TAFA1: variants seen among roughly 807,000 people sequenced by gnomAD.
TAFA1 encodes TAFA chemokine like family member 1.
In TAFA1, 4 loss-of-function variants were observed where a neutral mutation model predicts 18.5. That is an observed-to-expected ratio of 0.22 (90% CI 0.11 to 0.49). The LOEUF (loss-of-function observed/expected upper bound fraction) is 0.49. Among genes scored for constraint, TAFA1 ranks in the 20% least tolerant of loss-of-function variants. TAFA1 has a pLI of 0.98. For synonymous variants in TAFA1, 56 were observed against 55.2 expected, an observed-to-expected ratio of 1.01 and a Z score of -0.06; for missense variants, 147 against 169.0, an observed-to-expected ratio of 0.87 and a Z score of 0.72.
At chr3:68,413,999 G>GGA (rs886474688) in intron 2 of TAFA1, among the ~76,000 whole-genome samples, 1 of 152,020 alleles carries the variant, frequency 6.6e-6, no homozygotes, top group East Asian at 1.9e-4. Flanking sequence ...GGAAAGTCAA[G>GGA]GAGAGAGAGA....
intron 2 of TAFA1, among the ~76,000 whole-genome samples, chr3:68,386,615 C>T (rs1384123874): frequency 1.3e-5 from 2 of 152,112 alleles, no homozygotes; most frequent in Admixed American, 1.3e-4. Flanking sequence ...ACTATCCTTC[C>T]CTTCCCTGGA....
At chr3:67,998,857 CTTT>C in the TAFA1 span, among the ~76,000 whole-genome samples, 4 of 152,158 alleles carry the variant, frequency 2.6e-5, no homozygotes, top group Non-Finnish European at 4.4e-5. Flanking sequence ...CATACATCTT[CTTT>C]ATTATTTACT....
intron 2 of TAFA1, among the ~76,000 whole-genome samples, chr3:68,044,442 C>T (rs1263247761): frequency 6.6e-6 from 1 of 152,100 alleles, no homozygotes; most frequent in African/African-American, 2.4e-5. Flanking sequence ...AAAATCTGAA[C>T]TTTCTGCAGT....
At chr3:68,415,343 G>T (rs930270464) in intron 2 of TAFA1, among the ~76,000 whole-genome samples, 7 of 152,230 alleles carry the variant, frequency 4.6e-5, no homozygotes, top group Middle Eastern at 3.4e-3. Context: ...AGTTTGGCTG[G>T]GGCACAGACA....
At chr3:68,095,393 G>T (rs1446010932) in intron 2 of TAFA1, among the ~76,000 whole-genome samples, 3 of 152,106 alleles carry the variant, frequency 2.0e-5, no homozygotes, top group Admixed American at 2.0e-4. Context: ...TGCTATTCAA[G>T]CCTGTAGGCA....
intron 2 of TAFA1, among the ~76,000 whole-genome samples, chr3:68,277,048 C>T (rs1195875763): frequency 6.6e-6 from 1 of 152,066 alleles, no homozygotes; most frequent in African/African-American, 2.4e-5. Context: ...ATTTATTCCT[C>T]CATGAAATTA....
At chr3:68,389,702 C>T (rs929178008) in intron 2 of TAFA1, among the ~76,000 whole-genome samples, 18 of 152,126 alleles carry the variant, frequency 1.2e-4, no homozygotes, top group Non-Finnish European at 7.4e-5. Context: ...TGGGCGCAAC[C>T]CACAGAGGGT....
At chr3:68,435,797 C>G (rs1344916836) in intron 3 of TAFA1, among the ~76,000 whole-genome samples, 1 of 152,120 alleles carries the variant, frequency 6.6e-6, no homozygotes, top group Non-Finnish European at 1.5e-5. Flanking sequence ...TCTACTTATG[C>G]AGAAAAAGTA....
intron 2 of TAFA1, among the ~76,000 whole-genome samples, chr3:68,347,577 C>T (rs1387074903): frequency 6.6e-6 from 1 of 152,146 alleles, no homozygotes; most frequent in East Asian, 1.9e-4. Flanking sequence ...TCTGTCATTG[C>T]AACATGAAAG....
chr3:68,123,282 T>G (rs1380667826), intron 2 of TAFA1, among the ~76,000 whole-genome samples: 2 of 152,110 alleles, frequency 1.3e-5, no homozygotes, highest in African/African-American at 4.8e-5. Flanking sequence ...GCCTTCGGAA[T>G]AGCATCTAAG....
At chr3:68,300,008 G>A (rs1260681228) in intron 2 of TAFA1, among the ~76,000 whole-genome samples, 1 of 152,248 alleles carries the variant, frequency 6.6e-6, no homozygotes, top group African/African-American at 2.4e-5. Flanking sequence ...GTGTGGAAGG[G>A]AAATGTGGGG....
chr3:68,263,387 T>C (rs2067474163), intron 2 of TAFA1, among the ~76,000 whole-genome samples: 1 of 151,568 alleles, frequency 6.6e-6, no homozygotes, highest in Non-Finnish European at 1.5e-5. Flanking sequence ...AAATTTTTCA[T>C]GTTCAAAATT....
At chr3:68,259,602 T>C (rs2067369625) in intron 2 of TAFA1, among the ~76,000 whole-genome samples, 1 of 152,146 alleles carries the variant, frequency 6.6e-6, no homozygotes, top group African/African-American at 2.4e-5. Flanking sequence ...TTGTATCCTC[T>C]TTTATTTCAT....
intron 2 of TAFA1, among the ~76,000 whole-genome samples, chr3:68,065,155 A>C (rs1466939986): frequency 6.6e-6 from 1 of 152,192 alleles, no homozygotes; most frequent in Non-Finnish European, 1.5e-5. Flanking sequence ...CTACATCTAC[A>C]ACAGACAGAG....
At chr3:68,332,361 A>AT (rs1403358050) in intron 2 of TAFA1, among the ~76,000 whole-genome samples, 1 of 152,140 alleles carries the variant, frequency 6.6e-6, no homozygotes, top group Non-Finnish European at 1.5e-5. Context: ...TTTGACAATA[A>AT]TTTTTTGGCC....
chr3:68,274,275 A>G (rs1468595647), intron 2 of TAFA1, among the ~76,000 whole-genome samples: 4 of 152,174 alleles, frequency 2.6e-5, no homozygotes, highest in Non-Finnish European at 4.4e-5. Flanking sequence ...GAAGAAGGAC[A>G]AAAGATTAAA....
chr3:68,433,873 CCATCTCTTGAA>C (rs2071225082), intron 3 of TAFA1, among the ~76,000 whole-genome samples: 1 of 152,076 alleles, frequency 6.6e-6, no homozygotes, highest in Non-Finnish European at 1.5e-5. Flanking sequence ...ATTTGGTGGG[CCATCTCTTGAA>C]CACTTCACTG....
intron 2 of TAFA1, among the ~76,000 whole-genome samples, chr3:68,110,249 T>C (rs1007788249): frequency 6.6e-6 from 1 of 152,218 alleles, no homozygotes; most frequent in Non-Finnish European, 1.5e-5. Context: ...ATTCCTGTTT[T>C]AGTTTGATCA....
intron 2 of TAFA1, among the ~76,000 whole-genome samples, chr3:68,396,652 C>A (rs1047342722): frequency 6.6e-6 from 1 of 152,112 alleles, no homozygotes; most frequent in Non-Finnish European, 1.5e-5. Flanking sequence ...GGACTATAAT[C>A]AACAAAACTG....
Sources: gnomAD v4.1 joint callset for allele counts (sites outside exome capture counted in the v4.1 genomes callset) on GRCh38, gnomAD v4.1.1 for gene constraint, MANE v1.5 for transcripts, NCBI Gene and HGNC (gene_info 2026-07-23, HGNC 2026-07-21) for gene names.